SFI1: variants seen among roughly 807,000 people sequenced by gnomAD.
The protein encoded by SFI1 is SFI1 centrin binding protein.
SFI1 carries 195 observed loss-of-function variants against 207.5 expected under a neutral mutation model. That is an observed-to-expected ratio of 0.94 (90% CI 0.84 to 1.06). The LOEUF (loss-of-function observed/expected upper bound fraction) is 1.06. Among genes scored for constraint, SFI1 ranks in the 50% least tolerant of loss-of-function variants. The pLI, the probability that SFI1 is intolerant of heterozygous loss-of-function variation, is 0.00. For synonymous variants in SFI1, 630 were observed against 598.9 expected (o/e 1.05, Z -0.76); for missense variants, 1,634 against 1,588.0 (o/e 1.03, Z -0.49).
chr22:31,575,075 A>AC (rs1351804158), intron 9 of SFI1, among the ~76,000 whole-genome samples, 156 bp from the exon 10 acceptor site: 2 of 125,186 alleles, frequency 1.6e-5, no homozygotes, highest in Non-Finnish European at 3.4e-5. Flanking sequence ...AAAAAAAAAA[A>AC]AACTTAGTGC....
chr22:31,530,269 T>TAA (rs2058362621), intron 3 of SFI1, among the ~76,000 whole-genome samples: 1 of 138,902 alleles, frequency 7.2e-6, no homozygotes, highest in African/African-American at 2.7e-5. Context: ...GGCGGGTGGA[T>TAA]CATGAGGTCA....
chr22:31,575,410 C>T lies in SFI1; in HGVS notation c.1084+18C>T, dbSNP rs761240449. ...GAAACACTGTATCCTTTCAGATACT[C>T]AGGCTGTCCATTGCCTCAGCCAGGA... On this transcript the variant is annotated intron_variant, in intron 10 of 32. Coordinates refer to ENST00000400288, the MANE Select transcript of SFI1 (RefSeq NM_001007467.3). 5 of 1,570,938 alleles carry T rather than the reference C, an allele frequency of 3.2e-6. No homozygotes were observed. The South Asian group carries it at 3.6e-5, about 11-fold the overall frequency.
intron 14 of SFI1, among the ~76,000 whole-genome samples, chr22:31,586,985 T>TA (rs1425021169): frequency 1.3e-4 from 20 of 152,222 alleles, no homozygotes; most frequent in Admixed American, 3.9e-4. Flanking sequence ...TTTCTATTCT[T>TA]AGACAAGATA....
intron 2 of SFI1, among the ~76,000 whole-genome samples, chr22:31,513,065 G>A (rs553290785): frequency 6.6e-5 from 10 of 152,252 alleles, no homozygotes; most frequent in African/African-American, 1.4e-4. Flanking sequence ...GATTACAGGC[G>A]TCAGCCACCA....
intron 2 of SFI1, among the ~76,000 whole-genome samples, chr22:31,523,030 C>T (rs1003058979): frequency 2.0e-5 from 3 of 152,120 alleles, no homozygotes; most frequent in Non-Finnish European, 4.4e-5. Flanking sequence ...AGTTTATGAA[C>T]ATCTGGGTTG....
chr22:31,553,354 T>G (rs187206334), intron 6 of SFI1, among the ~76,000 whole-genome samples: 90 of 151,820 alleles, frequency 5.9e-4, no homozygotes, highest in Middle Eastern at 3.4e-3. Flanking sequence ...TTTTTGTTTG[T>G]TTGGTTGGTT....
chr22:31,530,433 T>C (rs2058385861), intron 3 of SFI1, among the ~76,000 whole-genome samples: 1 of 126,546 alleles, frequency 7.9e-6, no homozygotes, highest in South Asian at 2.4e-4. Context: ...GAGCTTGCAG[T>C]GAGCAGACAT....
At chr22:31,575,835 C>T (rs941870477) in intron 10 of SFI1, among the ~76,000 whole-genome samples, 1 of 152,148 alleles carries the variant, frequency 6.6e-6, no homozygotes, top group Non-Finnish European at 1.5e-5. Flanking sequence ...CCATTTATTG[C>T]GCTTTTACTA....
At chr22:31,588,189 C>T (rs975573560) in intron 14 of SFI1, among the ~76,000 whole-genome samples, 2 of 152,326 alleles carry the variant, frequency 1.3e-5, no homozygotes, top group African/African-American at 2.4e-5. Context: ...TCTTCACACA[C>T]ATCTAGATCC....
intron 13 of SFI1, among the ~76,000 whole-genome samples, chr22:31,584,611 C>T (rs2146254303): frequency 6.6e-6 from 1 of 152,148 alleles, no homozygotes; most frequent in African/African-American, 2.4e-5. Context: ...AGTTTAGCTC[C>T]AATTTTGAAG....
At chr22:31,548,148 A>C (rs1770440423) in intron 5 of SFI1, among the ~76,000 whole-genome samples, 1 of 151,456 alleles carries the variant, frequency 6.6e-6, no homozygotes, top group African/African-American at 2.4e-5. Flanking sequence ...TGAACCCAGG[A>C]GGTGGAGCTT....
chr22:31,543,913 G>T (rs1010503259), intron 4 of SFI1, among the ~76,000 whole-genome samples: 1 of 152,010 alleles, frequency 6.6e-6, no homozygotes, highest in Non-Finnish European at 1.5e-5. Context: ...TGACAGGCCA[G>T]TGTGGTGGCT....
intron 27 of SFI1, chr22:31,614,528 C>T (rs750804617): frequency 2.1e-5 from 14 of 660,756 alleles, no homozygotes; most frequent in African/African-American, 7.1e-5. Flanking sequence ...TGGACCCTGG[C>T]GACCTGTACA....
chr22:31,542,239 T>A (rs999937974), intron 4 of SFI1, among the ~76,000 whole-genome samples: 3 of 151,532 alleles, frequency 2.0e-5, no homozygotes, highest in African/African-American at 7.3e-5. Context: ...TATGATGTAA[T>A]CATTTATGTA....
At chr22:31,532,705 A>C (rs2058639783) in intron 4 of SFI1, among the ~76,000 whole-genome samples, 1 of 152,094 alleles carries the variant, frequency 6.6e-6, no homozygotes, top group Non-Finnish European at 1.5e-5. Flanking sequence ...GTATGTTTAC[A>C]GTGAAGCTCC....
intron 14 of SFI1, among the ~76,000 whole-genome samples, chr22:31,588,934 T>C (rs1405163668): frequency 2.0e-5 from 3 of 152,258 alleles, no homozygotes; most frequent in African/African-American, 2.4e-5. Context: ...CTTATGTCCA[T>C]TGTCTGTCTT....
chr22:31,604,177 C>T (rs958665660), intron 18 of SFI1, 132 bp from the exon 19 acceptor site: 1 of 689,900 alleles, frequency 1.4e-6, no homozygotes, highest in African/African-American at 1.8e-5. Flanking sequence ...CCCTAAGAAG[C>T]ACGTATTTAT....
At chr22:31,534,986 A>G (rs5753680) in intron 4 of SFI1, among the ~76,000 whole-genome samples, 106,580 of 150,256 alleles carry the variant, frequency 0.71, 37,836 homozygotes, top group Middle Eastern at 0.76. Flanking sequence ...CAATTCTTCT[A>G]CCTCAGCCTT....
chr22:31,615,486 G>C (rs984640104), intron 29 of SFI1: 2 of 440,846 alleles, frequency 4.5e-6, no homozygotes, highest in Non-Finnish European at 3.9e-6. Flanking sequence ...CCATCCTGAA[G>C]CTTATATTCT....
Sources: gnomAD v4.1 joint callset for allele counts (sites outside exome capture counted in the v4.1 genomes callset) on GRCh38, gnomAD v4.1.1 for gene constraint, MANE v1.5 for transcripts, NCBI Gene and HGNC (gene_info 2026-07-23, HGNC 2026-07-21) for gene names.